The following CNTRL variants were observed in gnomAD, a reference collection of about 807,000 sequenced individuals.
The protein encoded by CNTRL is centriolin, also known as 110 kDa centrosomal protein.
In CNTRL, 233 loss-of-function variants were observed where a neutral mutation model predicts 303.7. The observed-to-expected ratio is 0.77, with a 90% confidence interval of 0.69 to 0.86. The LOEUF (loss-of-function observed/expected upper bound fraction) is 0.86. CNTRL is among the 40% of genes least tolerant of loss of function. The pLI, the probability that CNTRL is intolerant of heterozygous loss-of-function variation, is 0.00. For missense variants in CNTRL, 2,524 were observed against 2,650.6 expected (o/e 0.95, Z 1.05); for synonymous variants, 900 against 922.2 (o/e 0.98, Z 0.44).
rs10116657 is a variant in CNTRL at position 121,091,713 on chromosome 9, G to A, written c.348+1308G>A. On this transcript the variant is annotated intron_variant, in intron 4 of 43. Transcript: ENST00000373855. Reference sequence around the variant, plus strand: ...CCAAAAATTAGCCAGGCGTAGTGGCGGGCGCCTGTAATCCCAGCTACTCAG... The same window carrying A: ...CCAAAAATTAGCCAGGCGTAGTGGCAGGCGCCTGTAATCCCAGCTACTCAG... Among the ~76,000 whole-genome samples the A allele has an allele frequency of 6.3e-3, 956 of 151,712 alleles. 9 individuals carry two copies. Among genetic ancestry groups the A allele is most frequent in the African/African-American group, 0.022 (925 of 41,348 alleles).
chr9:121,126,737 T>A (rs928556733), intron 14 of CNTRL, among the ~76,000 whole-genome samples: 33 of 152,300 alleles, frequency 2.2e-4, no homozygotes, highest in African/African-American at 7.7e-4. Flanking sequence ...GTATTTTCCT[T>A]GATTTTAAGA....
intron 43 of CNTRL, among the ~76,000 whole-genome samples, chr9:121,175,664 A>G (rs2053493703): frequency 1.3e-5 from 2 of 152,216 alleles, no homozygotes; most frequent in Non-Finnish European, 2.9e-5. Flanking sequence ...AAAAATATAG[A>G]TTATGCCGCC....
At chr9:121,110,516 C>G (rs535885798) in intron 8 of CNTRL, among the ~76,000 whole-genome samples, 2 of 152,094 alleles carry the variant, frequency 1.3e-5, no homozygotes, top group African/African-American at 4.8e-5. Flanking sequence ...TTCTTTTAGC[C>G]CTTGTCTTGG....
chr9:121,092,817 A>T (rs866933774), intron 4 of CNTRL, among the ~76,000 whole-genome samples: 256 of 25,348 alleles, frequency 0.01, 33 homozygotes, highest in Middle Eastern at 0.036. Flanking sequence ...ATATATATAT[A>T]TTTTTTTTTT....
intron 41 of CNTRL, 47 bp downstream of exon 41, chr9:121,173,556 T>C (rs1210014691): frequency 3.1e-6 from 5 of 1,609,006 alleles, no homozygotes; most frequent in Admixed American, 1.7e-5. Flanking sequence ...ATTGACCACC[T>C]CCCCCAGCTA....
intron 7 of CNTRL, among the ~76,000 whole-genome samples, chr9:121,102,151 A>G (rs538447880): frequency 2.6e-5 from 4 of 152,366 alleles, no homozygotes; most frequent in East Asian, 1.9e-4. Context: ...AAAATTCTCA[A>G]TAAAATACTG....
At chr9:121,158,400 G>A (rs1299456496) in intron 30 of CNTRL, among the ~76,000 whole-genome samples, 1 of 151,762 alleles carries the variant, frequency 6.6e-6, no homozygotes, top group African/African-American at 2.4e-5. Flanking sequence ...GATAAGGGGG[G>A]ATTTTGAGTA....
intron 14 of CNTRL, among the ~76,000 whole-genome samples, chr9:121,128,890 A>AAATG (rs201782365): frequency 6.6e-6 from 1 of 151,660 alleles, no homozygotes; most frequent in Non-Finnish European, 1.5e-5. Flanking sequence ...ACCATTTATT[A>AAATG]GTGATCCTTT....
chr9:121,150,058 T>A, intron 24 of CNTRL, 112 bp from the exon 25 acceptor site: 2 of 736,016 alleles, frequency 2.7e-6, no homozygotes, highest in Admixed American at 3.3e-5. Context: ...TTCTCACATC[T>A]GCAGTATCTT....
rs771576806 is a variant in CNTRL at position 121,160,182 on chromosome 9, G to A, written c.4969G>A (p.Gly1657Arg). The change falls in exon 32 of 44, where the codon GGA (glycine) becomes AGA (arginine). Residue 1657 changes from glycine (G) to arginine (R), a missense_variant. Gly to Arg is a moderately radical substitution (Grantham distance 125, BLOSUM62 -2). Coordinates refer to ENST00000373855, the MANE Select transcript of CNTRL (RefSeq NM_007018.6). ...TCTGGAAGAACTGAGTTTTCAGAAAGGAGAACTAAATGTTCAGATTAGTGA... is the reference window on the plus strand; with the variant it reads ...TCTGGAAGAACTGAGTTTTCAGAAAAGAGAACTAAATGTTCAGATTAGTGA... ...SLLEELSFQK[G>R]ELNVQISERK... 8 of 1,522,614 alleles carry A rather than the reference G, an allele frequency of 5.3e-6. No homozygotes were observed. The highest frequency in any genetic ancestry group is 1.4e-5 in the African/African-American group (1 of 69,880). 94.3% of individuals were successfully genotyped at this position (1,522,614 alleles called of 1,614,324 possible).
Position 121,171,409 on chromosome 9 carries a change from A to G in CNTRL, c.6278A>G (p.Glu2093Gly), listed in dbSNP as rs752614858. 27 of 1,613,818 alleles carry G rather than the reference A, an allele frequency of 1.7e-5. No homozygotes were observed. Among genetic ancestry groups the G allele is most frequent in the Admixed American group, 8.3e-5 (5 of 60,000 alleles). The change falls in exon 40 of 44, where the codon GAG becomes GGG. Residue 2093 changes from glutamate to glycine, a missense_variant and splice_region_variant. Glu to Gly is a moderately conservative substitution (Grantham distance 98, BLOSUM62 -2). Transcript: ENST00000373855. ...QRSQLEKNLL[E>G]QKQENSCIQK... ...GTTATTTTCTTCCTCCTGTGCTAGG[A>G]GCAAAAACAGGAGAACAGCTGCATA... is the stretch of plus-strand genomic sequence containing the variant.
intron 1 of CNTRL, among the ~76,000 whole-genome samples, chr9:121,076,796 T>G (rs1307295710): frequency 6.6e-6 from 1 of 151,930 alleles, no homozygotes; most frequent in Non-Finnish European, 1.5e-5. Flanking sequence ...GGAATCAGGA[T>G]ATTTGAAAGG....
Position 121,175,028 on chromosome 9 carries a change from G to A in CNTRL, c.6758G>A (p.Arg2253Gln), listed in dbSNP as rs765345418. 1.9e-5 allele frequency: 31 copies of A among 1,613,368 alleles called. No homozygotes were observed. The South Asian group carries it at 2.1e-4, about 11-fold the overall frequency. The change falls in exon 43 of 44, where the codon CGA becomes CAA. Residue 2253 changes from arginine (R) to glutamine (Q), a missense_variant. Transcript: ENST00000373855. ...HREDRLKAQL[R>Q]HCMSKQAEVL... is the part of the protein sequence containing the mutation. ...TATCACACTTTTCAGGCCCAACTCCGACACTGTATGTCCAAGCAAGCAGAA... is the reference window on the plus strand; with the variant it reads ...TATCACACTTTTCAGGCCCAACTCCAACACTGTATGTCCAAGCAAGCAGAA...
At chr9:121,109,646 G>C (rs1175995667) in intron 8 of CNTRL, among the ~76,000 whole-genome samples, 1 of 151,966 alleles carries the variant, frequency 6.6e-6, no homozygotes, top group African/African-American at 2.4e-5. Context: ...TAAACCACTA[G>C]AAGTGGAATT....
chr9:121,127,930 T>C (rs2050626959), intron 14 of CNTRL, among the ~76,000 whole-genome samples: 1 of 151,868 alleles, frequency 6.6e-6, no homozygotes, highest in Non-Finnish European at 1.5e-5. Context: ...TTGCAAAGAA[T>C]GATGGTTTCC....
rs542877669 is a variant in CNTRL at position 121,079,982 on chromosome 9, A to G, written c.-204-324A>G. ...CAGTTCAAGTGATTTTTGTTCCTCA[A>G]CCTCCCAAGTAGCTGGGATTACAGG... On this transcript the variant is annotated intron_variant, in intron 1 of 43. Transcript: ENST00000373855. Among the ~76,000 whole-genome samples the G allele has an allele frequency of 1.1e-4, 17 of 151,834 alleles. No individual in the cohort carries two copies. The South Asian group carries it at 2.1e-3, about 19-fold the overall frequency.
intron 40 of CNTRL, among the ~76,000 whole-genome samples, chr9:121,172,759 C>G (rs1242165748): frequency 6.6e-6 from 1 of 152,148 alleles, no homozygotes; most frequent in Non-Finnish European, 1.5e-5. Flanking sequence ...GTAAATGGCC[C>G]TTTTCTCATT....
At chr9:121,132,116 G>A (rs1007639481) in intron 14 of CNTRL, among the ~76,000 whole-genome samples, 2 of 152,152 alleles carry the variant, frequency 1.3e-5, no homozygotes. Context: ...TCTTGGAGTT[G>A]CTCTTCTCGA....
chr9:121,096,078 G>T (rs559336061), intron 5 of CNTRL, among the ~76,000 whole-genome samples: 2 of 152,276 alleles, frequency 1.3e-5, no homozygotes, highest in East Asian at 3.9e-4. Flanking sequence ...ATAGGACAGG[G>T]TGCTATTGAG....
Sources: gnomAD v4.1 joint callset for allele counts (sites outside exome capture counted in the v4.1 genomes callset) on GRCh38, gnomAD v4.1.1 for gene constraint, MANE v1.5 for transcripts, NCBI Gene and HGNC (gene_info 2026-07-23, HGNC 2026-07-21) for gene names.